CUX1: variants seen among roughly 807,000 people sequenced by gnomAD.
The protein encoded by CUX1 is protein CASP.
A neutral mutation model predicts 158.8 loss-of-function variants in CUX1; 31 were observed. That is an observed-to-expected ratio of 0.20 (90% CI 0.15 to 0.26). CUX1 has a LOEUF of 0.26. CUX1 is among the 10% of genes least tolerant of loss of function. CUX1 has a pLI of 1.00. For synonymous variants in CUX1, 879 were observed against 862.1 expected, an observed-to-expected ratio of 1.02 and a Z score of -0.34; for missense variants, 1,589 against 2,014.6, an observed-to-expected ratio of 0.79 and a Z score of 4.04.
At chr7:101,934,190 C>T (rs1159052267) in intron 2 of CUX1, among the ~76,000 whole-genome samples, 1 of 152,194 alleles carries the variant, frequency 6.6e-6, no homozygotes, top group Non-Finnish European at 1.5e-5. Context: ...TAACGATGAT[C>T]TAAAGGTCAA....
At chr7:102,088,868 G>T (rs1337436245) in intron 4 of CUX1, among the ~76,000 whole-genome samples, 1 of 152,074 alleles carries the variant, frequency 6.6e-6, no homozygotes, top group African/African-American at 2.4e-5. Flanking sequence ...ATCCTGCATG[G>T]AGTTTGTAGA....
chr7:102,102,130 C>T (rs1829843358), intron 5 of CUX1, among the ~76,000 whole-genome samples: 1 of 152,028 alleles, frequency 6.6e-6, no homozygotes, highest in South Asian at 2.1e-4. Context: ...ACCTGAACAG[C>T]CAAACCAAAA....
Position 102,278,001 on chromosome 7 carries a change from GC to G in CUX1, c.1618del (p.Leu540CysfsTer56). ...CAGGCCCTGCAGAGTGAGCTGGACA[GC>G]CTGCGCGCCGACAACATCAAGCTCT... On this transcript the variant is annotated frameshift_variant, in exon 18 of 23. Transcript: ENST00000292538. LOFTEE classifies it high-confidence loss of function. 1 of 1,590,904 alleles carries G rather than the reference GC, an allele frequency of 6.3e-7. No individual in the cohort carries two copies. The highest frequency in any genetic ancestry group is 8.6e-7 in the Non-Finnish European group (1 of 1,167,304).
chr7:101,826,948 A>C (rs1470729800), intron 1 of CUX1, among the ~76,000 whole-genome samples: 1 of 152,146 alleles, frequency 6.6e-6, no homozygotes, highest in East Asian at 1.9e-4. Flanking sequence ...TTTTTAATAT[A>C]GTGAAAGCAG....
intron 4 of CUX1, among the ~76,000 whole-genome samples, chr7:102,084,509 C>T (rs1161911983): frequency 1.5e-5 from 2 of 134,254 alleles, no homozygotes; most frequent in Non-Finnish European, 3.5e-5. Context: ...GTGCAACCTC[C>T]GCCTTCTGGG....
At chr7:102,205,256 T>G in intron 20 of CUX1, 86 bp downstream of exon 20, 1 of 994,436 alleles carries the variant, frequency 1.0e-6, no homozygotes, top group Admixed American at 1.7e-5. Flanking sequence ...CCGGCGAGAC[T>G]CCGAGGGACC....
chr7:101,823,482 G>A (rs766847410), intron 1 of CUX1, among the ~76,000 whole-genome samples: 14 of 152,274 alleles, frequency 9.2e-5, no homozygotes, highest in East Asian at 1.9e-4. Context: ...GGCCCTGGCC[G>A]ACTCCATCAG....
At chr7:102,162,662 A>C (rs145077159) in intron 9 of CUX1, among the ~76,000 whole-genome samples, 2 of 152,074 alleles carry the variant, frequency 1.3e-5, no homozygotes, top group African/African-American at 4.8e-5. Context: ...TTACAGGCAC[A>C]TGCCACCACA....
chr7:102,162,512 A>G (rs1164530052), intron 9 of CUX1, among the ~76,000 whole-genome samples: 1 of 151,804 alleles, frequency 6.6e-6, no homozygotes, highest in Non-Finnish European at 1.5e-5. Flanking sequence ...CCTGGGTTCA[A>G]GCGATTCTCC....
chr7:102,040,908 C>T (rs527991973), intron 3 of CUX1, among the ~76,000 whole-genome samples: 1 of 152,282 alleles, frequency 6.6e-6, no homozygotes, highest in African/African-American at 2.4e-5. Context: ...TCTGAAACCT[C>T]ATGAGACTCA....
intron 1 of CUX1, among the ~76,000 whole-genome samples, chr7:101,846,773 T>C (rs1338071177): frequency 1.3e-5 from 2 of 152,084 alleles, no homozygotes; most frequent in African/African-American, 4.8e-5. Flanking sequence ...GTTGCTAGCT[T>C]GATAGTGGGA....
chr7:101,994,281 G>A (rs964326695), intron 2 of CUX1, among the ~76,000 whole-genome samples: 15 of 152,172 alleles, frequency 9.9e-5, no homozygotes, highest in African/African-American at 3.6e-4. Context: ...GAATCTCTTG[G>A]CCAGCTTTGC....
chr7:101,987,817 T>C (rs1221923978), intron 2 of CUX1, among the ~76,000 whole-genome samples: 1 of 152,244 alleles, frequency 6.6e-6, no homozygotes, highest in Non-Finnish European at 1.5e-5. Context: ...CTTACTTAGA[T>C]GTAAAACAAA....
intron 14 of CUX1, among the ~76,000 whole-genome samples, chr7:102,196,292 G>A (rs1258858461): frequency 6.6e-6 from 1 of 152,172 alleles, no homozygotes; most frequent in Non-Finnish European, 1.5e-5. Flanking sequence ...CGGGGCCAGC[G>A]GGCCCAGTAA....
intron 1 of CUX1, among the ~76,000 whole-genome samples, chr7:101,902,977 G>A (rs1324538812): frequency 6.6e-6 from 1 of 152,192 alleles, no homozygotes; most frequent in Non-Finnish European, 1.5e-5. Flanking sequence ...GTCTCATGAT[G>A]TATGCTAAGT....
chr7:102,130,114 C>G (rs1471813615), intron 8 of CUX1, among the ~76,000 whole-genome samples: 1 of 152,156 alleles, frequency 6.6e-6, no homozygotes, highest in Non-Finnish European at 1.5e-5. Context: ...CTCCAATTGC[C>G]AGAAAGACAG....
chr7:101,980,564 C>G (rs2129213484), intron 2 of CUX1, among the ~76,000 whole-genome samples: 1 of 152,312 alleles, frequency 6.6e-6, no homozygotes, highest in South Asian at 2.1e-4. Context: ...CTCTACCTGG[C>G]ACTTGAGTGA....
intron 17 of CUX1, among the ~76,000 whole-genome samples, chr7:102,200,799 G>C (rs1337352394): frequency 6.6e-6 from 1 of 151,976 alleles, no homozygotes; most frequent in Admixed American, 6.6e-5. Flanking sequence ...GGAAGCTGAT[G>C]GGGGAGGATG....
chr7:102,168,908 C>CTTTTTTTTTTTTT (rs1563341626), intron 9 of CUX1, among the ~76,000 whole-genome samples: 4 of 121,980 alleles, frequency 3.3e-5, no homozygotes, highest in African/African-American at 1.0e-4. Flanking sequence ...CTTTTCTTTT[C>CTTTTTTTTTTTTT]TTTTATTTTC....
Sources: gnomAD v4.1 joint callset for allele counts (sites outside exome capture counted in the v4.1 genomes callset) on GRCh38, gnomAD v4.1.1 for gene constraint, MANE v1.5 for transcripts, NCBI Gene and HGNC (gene_info 2026-07-23, HGNC 2026-07-21) for gene names.